The following MIPEP variants were observed in gnomAD, a reference collection of about 807,000 sequenced individuals.
The protein encoded by MIPEP is mitochondrial intermediate peptidase.
Under a neutral mutation model 90.3 loss-of-function variants are expected in MIPEP, and 79 were observed. That is an observed-to-expected ratio of 0.87 (90% CI 0.73 to 1.05). The LOEUF is 1.05. MIPEP is among the 50% of genes least tolerant of loss of function. The pLI is 0.00. For missense variants in MIPEP, 940 were observed against 905.6 expected, an observed-to-expected ratio of 1.04 and a Z score of -0.49; for synonymous variants, 334 against 315.8, an observed-to-expected ratio of 1.06 and a Z score of -0.61.
At chr13:23,757,219 T>C (rs1280652458) in intron 17 of MIPEP, among the ~76,000 whole-genome samples, 1 of 151,970 alleles carries the variant, frequency 6.6e-6, no homozygotes, top group Admixed American at 6.6e-5. Context: ...TCCTAGATCC[T>C]TGTGAGAGGA....
At chr13:23,745,856 G>A (rs1345016753) in intron 18 of MIPEP, among the ~76,000 whole-genome samples, 1 of 151,574 alleles carries the variant, frequency 6.6e-6, no homozygotes, top group African/African-American at 2.4e-5. Flanking sequence ...CTTGAACCTG[G>A]GTGGCAGAGT....
chr13:23,825,140 C>A (rs1388846388), intron 14 of MIPEP, among the ~76,000 whole-genome samples: 1 of 152,180 alleles, frequency 6.6e-6, no homozygotes, highest in Admixed American at 6.5e-5. Context: ...AGTTCAATGA[C>A]TGGTCTAAAG....
rs777930894 is a variant in MIPEP, at chr13:23,809,930, TAAAAC to T, written c.1654-11_1654-7del. ...ACCATATTTTTTGGCAGTGGCTTGATAAAACAAAAGAATATATATGTGAGTAAACT... is the reference window on the plus strand; with the variant it reads ...ACCATATTTTTTGGCAGTGGCTTGATAAAAGAATATATATGTGAGTAAACT... On this transcript the variant is annotated splice_region_variant and splice_polypyrimidine_tract_variant and intron_variant, in intron 14 of 18. Transcript: ENST00000382172. 7 of 1,605,516 alleles carry T rather than the reference TAAAAC, an allele frequency of 4.4e-6. No homozygotes were observed. The highest frequency in any genetic ancestry group is 6.0e-6 in the Non-Finnish European group (7 of 1,172,512).
chr13:23,734,567 G>A (rs563121262), intron 18 of MIPEP, among the ~76,000 whole-genome samples: 3 of 152,122 alleles, frequency 2.0e-5, no homozygotes, highest in Non-Finnish European at 4.4e-5. Flanking sequence ...TTATCTGTCT[G>A]GAAGCTCTGA....
intron 10 of MIPEP, among the ~76,000 whole-genome samples, chr13:23,844,018 G>A (rs1869425084): frequency 6.6e-6 from 1 of 152,016 alleles, no homozygotes; most frequent in African/African-American, 2.4e-5. Flanking sequence ...GAGGATGGAG[G>A]GCTCACAGAA....
intron 14 of MIPEP, among the ~76,000 whole-genome samples, chr13:23,813,566 G>A (rs1174607355): frequency 2.0e-5 from 3 of 151,968 alleles, no homozygotes; most frequent in Non-Finnish European, 2.9e-5. Flanking sequence ...ATATAAATAC[G>A]TATTTATGTA....
At chr13:23,777,150 T>C (rs1952727778) in intron 16 of MIPEP, among the ~76,000 whole-genome samples, 1 of 152,160 alleles carries the variant, frequency 6.6e-6, no homozygotes, top group African/African-American at 2.4e-5. Context: ...ACTTTACCCA[T>C]GGGGCAAGTG....
intron 5 of MIPEP, among the ~76,000 whole-genome samples, chr13:23,873,132 G>A (rs1051669995): frequency 2.0e-5 from 3 of 152,190 alleles, no homozygotes; most frequent in South Asian, 2.1e-4. Context: ...TAAAAGCTTC[G>A]CAATGTGGCG....
intron 10 of MIPEP, among the ~76,000 whole-genome samples, chr13:23,846,296 A>C (rs1869535525): frequency 6.6e-6 from 1 of 152,018 alleles, no homozygotes. Flanking sequence ...ACAATGGGGG[A>C]ATAGCTGCTA....
At chr13:23,768,597 C>T (rs566696753) in intron 16 of MIPEP, among the ~76,000 whole-genome samples, 2 of 152,128 alleles carry the variant, frequency 1.3e-5, no homozygotes, top group South Asian at 2.1e-4. Context: ...ATTAGCTAGG[C>T]GTGGTAGCCC....
intron 14 of MIPEP, among the ~76,000 whole-genome samples, chr13:23,824,775 T>C (rs1953346716): frequency 6.6e-6 from 1 of 152,238 alleles, no homozygotes; most frequent in Non-Finnish European, 1.5e-5. Context: ...CCACAGGAAA[T>C]ACTACTTTTC....
chr13:23,828,361 G>A (rs1374013016), intron 14 of MIPEP, among the ~76,000 whole-genome samples: 1 of 152,180 alleles, frequency 6.6e-6, no homozygotes, highest in African/African-American at 2.4e-5. Context: ...GAAAAGATAC[G>A]TGGTTGGAAA....
At chr13:23,870,543 GC>G (rs1477374509) in intron 5 of MIPEP, among the ~76,000 whole-genome samples, 5 of 152,142 alleles carry the variant, frequency 3.3e-5, no homozygotes, top group African/African-American at 9.6e-5. Context: ...AGTGACTCAC[GC>G]CTGTAATCCC....
chr13:23,771,731 TG>T (rs1268072763), intron 16 of MIPEP, among the ~76,000 whole-genome samples: 1 of 152,208 alleles, frequency 6.6e-6, no homozygotes, highest in African/African-American at 2.4e-5. Flanking sequence ...ATGTGGTGTT[TG>T]CACAGCCACA....
chr13:23,741,601 T>A (rs939284454), intron 18 of MIPEP, among the ~76,000 whole-genome samples: 3 of 152,030 alleles, frequency 2.0e-5, no homozygotes, highest in African/African-American at 7.2e-5. Flanking sequence ...TTCTTATTTA[T>A]AAGTGGGAGC....
intron 14 of MIPEP, among the ~76,000 whole-genome samples, chr13:23,827,425 C>A (rs1868519689): frequency 6.6e-6 from 1 of 152,114 alleles, no homozygotes; most frequent in African/African-American, 2.4e-5. Context: ...AGGATTCAGT[C>A]ATTTAAAAAA....
At chr13:23,796,044 A>G (rs56066327) in intron 16 of MIPEP, among the ~76,000 whole-genome samples, 41 of 152,236 alleles carry the variant, frequency 2.7e-4, no homozygotes, top group Middle Eastern at 3.4e-3. Flanking sequence ...AATGTCACCT[A>G]TCTTCATATA....
rs183262339 is a variant in MIPEP at position 23,779,267 on chromosome 13, T to C, written c.1849-19050A>G. Among the ~76,000 whole-genome samples, 21 of 152,322 alleles carry C rather than the reference T, an allele frequency of 1.4e-4. No individual in the cohort carries two copies. The East Asian group carries it at 2.7e-3, about 20-fold the overall frequency. On this transcript the variant is annotated intron_variant, in intron 16 of 18. Coordinates refer to ENST00000382172, the MANE Select transcript of MIPEP (RefSeq NM_005932.4). Reference sequence around the variant, plus strand: ...TGTTATTTACAAATGTTGTGAGTGATGTGTATGTAGAAAACCCCGAAATTG... The same window carrying C: ...TGTTATTTACAAATGTTGTGAGTGACGTGTATGTAGAAAACCCCGAAATTG...
chr13:23,755,657 T>A (rs1952483582), intron 18 of MIPEP, among the ~76,000 whole-genome samples: 1 of 152,232 alleles, frequency 6.6e-6, no homozygotes, highest in African/African-American at 2.4e-5. Context: ...TGTAAGCATG[T>A]TTCAATGTTC....
Sources: allele counts gnomAD v4.1 joint callset (sites outside exome capture counted in the v4.1 genomes callset), GRCh38; gene constraint gnomAD v4.1.1; transcripts MANE v1.5; gene names NCBI Gene and HGNC (gene_info 2026-07-23, HGNC 2026-07-21).